MSRA: variants seen among roughly 807,000 people sequenced by gnomAD.
MSRA encodes methionine sulfoxide reductase A.
In MSRA, 54 loss-of-function variants were observed where a neutral mutation model predicts 31.3. That is an observed-to-expected ratio of 1.73 (90% confidence interval 1.39 to 2.17). The LOEUF is 2.17. MSRA is among the 30% of genes most tolerant of loss of function. The pLI is 0.00. For synonymous variants in MSRA, 169 were observed against 116.5 expected, an observed-to-expected ratio of 1.45 and a Z score of -2.90; for missense variants, 507 against 300.9, an observed-to-expected ratio of 1.69 and a Z score of -5.07.
chr8:10,201,360 C>G (rs983123835), intron 1 of MSRA, among the ~76,000 whole-genome samples: 19 of 152,074 alleles, frequency 1.2e-4, no homozygotes, highest in South Asian at 6.2e-4. Context: ...TAGTCTGATC[C>G]AAGACTCTTC....
intron 2 of MSRA, among the ~76,000 whole-genome samples, chr8:10,219,327 G>A (rs1810276193): frequency 6.6e-6 from 1 of 152,146 alleles, no homozygotes; most frequent in South Asian, 2.1e-4. Context: ...CTCACAGAAG[G>A]TGTAGGTAAA....
At chr8:10,174,739 G>A (rs1258873345) in intron 1 of MSRA, among the ~76,000 whole-genome samples, 1 of 152,034 alleles carries the variant, frequency 6.6e-6, no homozygotes, top group African/African-American at 2.4e-5. Context: ...TGTCACCTCC[G>A]GCTCAGCGTG....
At chr8:10,106,955 G>A (rs749831525) in intron 1 of MSRA, among the ~76,000 whole-genome samples, 5 of 148,200 alleles carry the variant, frequency 3.4e-5, no homozygotes, top group Non-Finnish European at 5.9e-5. Flanking sequence ...ACCCACCTAC[G>A]CAACCATCTA....
chr8:10,354,909 A>G (rs1804420271), intron 5 of MSRA, among the ~76,000 whole-genome samples: 1 of 152,104 alleles, frequency 6.6e-6, no homozygotes, highest in Non-Finnish European at 1.5e-5. Flanking sequence ...CTGCTCATAA[A>G]TGCTGCCGTG....
chr8:10,114,384 T>A (rs1447459892), intron 1 of MSRA, among the ~76,000 whole-genome samples: 1 of 152,236 alleles, frequency 6.6e-6, no homozygotes, highest in African/African-American at 2.4e-5. Context: ...TTTGGCAACC[T>A]ATGTTTAACT....
chr8:10,117,647 G>A (rs1479750407), intron 1 of MSRA, among the ~76,000 whole-genome samples: 1 of 152,178 alleles, frequency 6.6e-6, no homozygotes. Context: ...ACTGATGAGA[G>A]TGAAAACAAT....
chr8:10,280,744 C>G (rs1585351761), intron 3 of MSRA, among the ~76,000 whole-genome samples: 2 of 152,304 alleles, frequency 1.3e-5, no homozygotes, highest in Admixed American at 1.3e-4. Context: ...CATTATTTGA[C>G]TATTCATAAT....
chr8:10,251,867 G>GC (rs1554505682), intron 3 of MSRA, among the ~76,000 whole-genome samples: 26 of 151,846 alleles, frequency 1.7e-4, no homozygotes, highest in Admixed American at 1.3e-3. Context: ...ATGGTGGGGG[G>GC]GGGGGGACAT....
At chr8:10,189,897 T>C (rs1489825925) in intron 1 of MSRA, among the ~76,000 whole-genome samples, 4 of 152,238 alleles carry the variant, frequency 2.6e-5, no homozygotes, top group South Asian at 4.1e-4. Flanking sequence ...AGGATTGATA[T>C]TATCTCTTGC....
At chr8:10,116,918 A>T (rs1800730677) in intron 1 of MSRA, among the ~76,000 whole-genome samples, 1 of 152,152 alleles carries the variant, frequency 6.6e-6, no homozygotes. Flanking sequence ...GTGAGCCAAG[A>T]TTGCGCCATT....
chr8:10,269,564 G>A (rs1037665167), intron 3 of MSRA, among the ~76,000 whole-genome samples: 32 of 152,360 alleles, frequency 2.1e-4, no homozygotes, highest in African/African-American at 6.3e-4. Context: ...TGTCAAATGC[G>A]TGGGATTCAG....
At chr8:10,299,992 G>C (rs1465653402) in intron 3 of MSRA, among the ~76,000 whole-genome samples, 2 of 152,146 alleles carry the variant, frequency 1.3e-5, no homozygotes, top group East Asian at 3.8e-4. Context: ...TAAGTAGTTG[G>C]ACAACCATCT....
intron 1 of MSRA, among the ~76,000 whole-genome samples, chr8:10,060,572 G>T (rs541530839): frequency 7.5e-4 from 114 of 151,198 alleles, no homozygotes; most frequent in Non-Finnish European, 1.3e-3. Context: ...CTTTGAAGAT[G>T]ATCTGTCTCG....
At chr8:10,253,770 C>G (rs1043047867) in intron 3 of MSRA, among the ~76,000 whole-genome samples, 1 of 151,976 alleles carries the variant, frequency 6.6e-6, no homozygotes, top group African/African-American at 2.4e-5. Flanking sequence ...TTGAGCTTCT[C>G]CAGGAATTTT....
intron 1 of MSRA, among the ~76,000 whole-genome samples, chr8:10,192,243 T>G (rs1807573361): frequency 6.6e-6 from 1 of 152,214 alleles, no homozygotes; most frequent in Admixed American, 6.5e-5. Flanking sequence ...CGGCCTACAC[T>G]CAAAGGAAAG....
rs576480415 is a variant in MSRA, at chr8:10,173,807, A to G, written c.143-34026A>G. Reference sequence around the variant, plus strand: ...GTGCCTAGTCTGTCCCATCTTAGGCATTTGCAATTGCAAATGACTACATTA... The same window carrying G: ...GTGCCTAGTCTGTCCCATCTTAGGCGTTTGCAATTGCAAATGACTACATTA... On this transcript the variant is annotated intron_variant, in intron 1 of 5. Transcript: ENST00000317173. Among the ~76,000 whole-genome samples the G allele has an allele frequency of 5.1e-4, 77 of 152,262 alleles. 1 individual carries two copies. Among genetic ancestry groups the G allele is most frequent in the South Asian group, 2.5e-3 (12 of 4,810 alleles).
At chr8:10,420,024 C>T (rs973022699) in intron 5 of MSRA, among the ~76,000 whole-genome samples, 1 of 152,116 alleles carries the variant, frequency 6.6e-6, no homozygotes, top group Non-Finnish European at 1.5e-5. Flanking sequence ...GTCATGTTCC[C>T]AGATGTGTAT....
intron 5 of MSRA, among the ~76,000 whole-genome samples, chr8:10,327,946 C>A (rs59156237): frequency 0.086 from 12,843 of 148,956 alleles, 1,277 homozygotes; most frequent in African/African-American, 0.25. Flanking sequence ...ACAACAACAA[C>A]AAAAAAACCT....
intron 1 of MSRA, among the ~76,000 whole-genome samples, chr8:10,155,646 G>C (rs1414070320): frequency 1.3e-5 from 2 of 152,196 alleles, no homozygotes; most frequent in East Asian, 3.8e-4. Flanking sequence ...TATGGAAGGA[G>C]AGCTGAGGGC....
Sources: gnomAD v4.1 joint callset for allele counts (sites outside exome capture counted in the v4.1 genomes callset) on GRCh38, gnomAD v4.1.1 for gene constraint, MANE v1.5 for transcripts, NCBI Gene and HGNC (gene_info 2026-07-23, HGNC 2026-07-21) for gene names.